Variants in A1CF observed in about 807,000 individuals in gnomAD.
A1CF encodes the protein APOBEC1 complementation factor, also known as APOBEC-1 stimulating protein.
In A1CF, 48 loss-of-function variants were observed where a neutral mutation model predicts 68.9. The ratio of observed to expected loss-of-function variants is 0.70; its 90% CI spans 0.55 to 0.89. A1CF has a LOEUF of 0.89. A1CF is among the 40% of genes least tolerant of loss of function. A1CF has a pLI of 0.00. For synonymous variants in A1CF, 272 were observed against 260.4 expected, an observed-to-expected ratio of 1.04 and a Z score of -0.43; for missense variants, 653 against 718.9, an observed-to-expected ratio of 0.91 and a Z score of 1.05.
intron 2 of A1CF, among the ~76,000 whole-genome samples, chr10:50,862,365 CA>C (rs944877613): frequency 9.3e-5 from 13 of 140,250 alleles, no homozygotes; most frequent in East Asian, 2.0e-4. Flanking sequence ...GACTCTGTTT[CA>C]AAAAAAAAAG....
At chr10:50,848,431 C>G (rs537740280) in intron 3 of A1CF, among the ~76,000 whole-genome samples, 1 of 152,120 alleles carries the variant, frequency 6.6e-6, no homozygotes, top group Non-Finnish European at 1.5e-5. Flanking sequence ...TCAGGCTTAT[C>G]AGCCTCATAA....
chr10:50,830,525 C>T lies in A1CF; in HGVS notation c.605-2230G>A, dbSNP rs544666214. On this transcript the variant is annotated intron_variant, in intron 6 of 12. Transcript: ENST00000373997. ...AAGAAAACAATCTCATTTATAGTAT[C>T]ATCCCCCCAAAAATACTTAGAAATA... Among the ~76,000 whole-genome samples, 7 of 152,160 alleles carry T rather than the reference C, an allele frequency of 4.6e-5. No homozygotes were observed. In the South Asian group the frequency reaches 1.2e-3, roughly 27 times the overall value.
At chr10:50,873,696 A>T (rs1280734312) in intron 1 of A1CF, among the ~76,000 whole-genome samples, 1 of 152,126 alleles carries the variant, frequency 6.6e-6, no homozygotes, top group East Asian at 1.9e-4. Flanking sequence ...TTTTGCAAGG[A>T]TGCGTAGGGC....
At chr10:50,836,390 T>C in intron 5 of A1CF, 78 bp from the exon 6 acceptor site, 1 of 1,474,592 alleles carries the variant, frequency 6.8e-7, no homozygotes, top group East Asian at 2.3e-5. Context: ...GTGGGCCAAA[T>C]GTTGCCTGAA....
chr10:50,825,288 G>A (rs1838863767), intron 7 of A1CF, among the ~76,000 whole-genome samples: 1 of 152,094 alleles, frequency 6.6e-6, no homozygotes, highest in African/African-American at 2.4e-5. Context: ...TCTCAGTTAT[G>A]AAAGGATATT....
intron 7 of A1CF, among the ~76,000 whole-genome samples, chr10:50,825,040 C>T (rs1160908801): frequency 6.6e-6 from 1 of 152,054 alleles, no homozygotes; most frequent in Admixed American, 6.6e-5. Flanking sequence ...AGGCAGAGTC[C>T]CTGAGGCTGG....
At chr10:50,812,931 A>G (rs940912183) in intron 10 of A1CF, among the ~76,000 whole-genome samples, 9 of 152,226 alleles carry the variant, frequency 5.9e-5, no homozygotes, top group Admixed American at 5.9e-4. Context: ...TAATTTGTGC[A>G]TAAAAGAAAG....
At chr10:50,822,299 C>A (rs1712947669) in intron 7 of A1CF, among the ~76,000 whole-genome samples, 1 of 152,118 alleles carries the variant, frequency 6.6e-6, no homozygotes, top group African/African-American at 2.4e-5. Context: ...ATTTGTTTAA[C>A]CACTATTAGT....
chr10:50,866,436 C>T (rs1032757175), intron 1 of A1CF, among the ~76,000 whole-genome samples: 1 of 152,188 alleles, frequency 6.6e-6, no homozygotes. Flanking sequence ...CACTTGGCTG[C>T]AGCTGCTCAA....
At chr10:50,861,711 TA>T (rs1308658951) in intron 2 of A1CF, among the ~76,000 whole-genome samples, 1 of 147,844 alleles carries the variant, frequency 6.8e-6, no homozygotes, top group Non-Finnish European at 1.5e-5. Flanking sequence ...GTAGCAATAG[TA>T]ATATATTGTT....
intron 3 of A1CF, among the ~76,000 whole-genome samples, chr10:50,857,117 C>G (rs372690312): frequency 6.6e-6 from 1 of 151,946 alleles, no homozygotes; most frequent in Non-Finnish European, 1.5e-5. Flanking sequence ...TATATGATTA[C>G]TGTTAGTTAC....
intron 10 of A1CF, among the ~76,000 whole-genome samples, chr10:50,811,379 T>C (rs1838104442): frequency 6.6e-6 from 1 of 152,210 alleles, no homozygotes. Flanking sequence ...GTTCATAAAA[T>C]CACTTTCACA....
chr10:50,819,278 A>G (rs952543053), intron 8 of A1CF, among the ~76,000 whole-genome samples: 1 of 152,098 alleles, frequency 6.6e-6, no homozygotes, highest in African/African-American at 2.4e-5. Context: ...GTAGTAGTCC[A>G]TGCTACCATG....
chr10:50,818,563 A>G (rs1026688503), intron 8 of A1CF, among the ~76,000 whole-genome samples: 8 of 152,166 alleles, frequency 5.3e-5, no homozygotes, highest in African/African-American at 1.9e-4. Context: ...CTTCCCAGCA[A>G]TCATCATGTA....
intron 5 of A1CF, among the ~76,000 whole-genome samples, chr10:50,838,553 C>T (rs1431306650): frequency 6.6e-6 from 1 of 152,070 alleles, no homozygotes; most frequent in Non-Finnish European, 1.5e-5. Context: ...AGGCACCTTT[C>T]CCGGAATTAT....
intron 6 of A1CF, among the ~76,000 whole-genome samples, chr10:50,833,040 T>C (rs371772808): frequency 6.6e-6 from 1 of 152,206 alleles, no homozygotes; most frequent in East Asian, 1.9e-4. Context: ...ATCACAAAAT[T>C]TGACTGAAGA....
intron 12 of A1CF, among the ~76,000 whole-genome samples, chr10:50,807,698 G>A (rs922683166): frequency 6.6e-6 from 1 of 152,182 alleles, no homozygotes; most frequent in African/African-American, 2.4e-5. Context: ...TTATTTCTCT[G>A]TATTGTTTTA....
intron 3 of A1CF, among the ~76,000 whole-genome samples, chr10:50,849,859 T>C (rs1263170643): frequency 7.8e-6 from 1 of 127,462 alleles, no homozygotes; most frequent in African/African-American, 2.8e-5. Context: ...AGTGGCGCAA[T>C]CTCAGCTCAC....
chr10:50,841,876 A>G lies in A1CF; in HGVS notation c.351T>C (p.Asn117=). The part of the protein sequence containing the change: ...VEAKNAIKQL[N]NYEIRNGRLL... ...GCGGAGCTTACCTAATTTCATAATT[A>G]TTAAGTTGCTTGATTGCATTCTTGG... Residue 117 remains asparagine, a synonymous_variant, in exon 5 of 13, where the codon AAT becomes AAC. Coordinates refer to ENST00000373997, the MANE Select transcript of A1CF (RefSeq NM_014576.4). 6.2e-7 allele frequency: 1 copy of G among 1,613,260 alleles called. No homozygotes were observed. Among genetic ancestry groups the G allele is most frequent in the East Asian group, 2.2e-5 (1 of 44,790 alleles).
Sources: allele counts gnomAD v4.1 joint callset (sites outside exome capture counted in the v4.1 genomes callset), GRCh38; gene constraint gnomAD v4.1.1; transcripts MANE v1.5; gene names NCBI Gene and HGNC (gene_info 2026-07-23, HGNC 2026-07-21).